RASSF8: variants seen among roughly 807,000 people sequenced by gnomAD.
RASSF8 encodes ras association domain-containing protein 8.
A neutral mutation model predicts 48.5 loss-of-function variants in RASSF8; 22 were observed. The ratio of observed to expected loss-of-function variants is 0.45; its 90% CI spans 0.32 to 0.65. The LOEUF is 0.65. RASSF8 is among the 30% of genes least tolerant of loss of function. The pLI is 0.03. For synonymous variants in RASSF8, 127 were observed against 171.5 expected (o/e 0.74, Z 2.03); for missense variants, 418 against 489.2 (o/e 0.85, Z 1.37).
chr12:26,057,770 C>T (rs182257457), intron 3 of RASSF8, among the ~76,000 whole-genome samples: 6 of 152,326 alleles, frequency 3.9e-5, no homozygotes, highest in African/African-American at 1.4e-4. Flanking sequence ...CCTATTTCTC[C>T]ACGTCCTCTC....
chr12:26,062,455 A>G (rs1226086908), intron 3 of RASSF8, among the ~76,000 whole-genome samples: 1 of 152,212 alleles, frequency 6.6e-6, no homozygotes, highest in African/African-American at 2.4e-5. Flanking sequence ...TATATTTTAC[A>G]TTCTCACTTG....
chr12:25,994,836 A>G (rs936517188), intron 1 of RASSF8, among the ~76,000 whole-genome samples: 2 of 152,188 alleles, frequency 1.3e-5, no homozygotes, highest in South Asian at 2.1e-4. Flanking sequence ...AAACCAAACC[A>G]AACAAACCCA....
chr12:26,005,079 A>G (rs1942355535), intron 2 of RASSF8, among the ~76,000 whole-genome samples: 3 of 152,120 alleles, frequency 2.0e-5, no homozygotes, highest in Admixed American at 6.6e-5. Flanking sequence ...GGTAATCCTC[A>G]TTAGCAGTTT....
Position 26,064,477 on chromosome 12 carries a change from ATTC to A in RASSF8, c.104-18_104-16del, listed in dbSNP as rs1943818614. 1 of 1,506,348 alleles carries A rather than the reference ATTC, an allele frequency of 6.6e-7. No homozygotes were observed. Among genetic ancestry groups the A allele is most frequent in the African/African-American group, 1.4e-5 (1 of 71,678 alleles). 93.3% of individuals were successfully genotyped at this position (1,506,348 alleles called of 1,614,324 possible). On this transcript the variant is annotated intron_variant, in intron 3 of 5. Transcript: ENST00000689635. ...ATTACATATCCCATTTTGACAAGTT[ATTC>A]TTACCTTTTTTACATAGGTCGAACT...
chr12:26,023,364 AAG>A (rs1942831115), intron 2 of RASSF8, among the ~76,000 whole-genome samples: 1 of 152,204 alleles, frequency 6.6e-6, no homozygotes, highest in East Asian at 1.9e-4. Context: ...CTGAAAGATA[AAG>A]AGAAAATCTT....
At chr12:26,000,342 CAT>C (rs1435961434) in intron 2 of RASSF8, among the ~76,000 whole-genome samples, 1 of 151,986 alleles carries the variant, frequency 6.6e-6, no homozygotes, top group Non-Finnish European at 1.5e-5. Flanking sequence ...GCTACTAAAA[CAT>C]AGAAGCAAAT....
chr12:26,036,954 A>G (rs1943166040), intron 2 of RASSF8, among the ~76,000 whole-genome samples: 1 of 151,998 alleles, frequency 6.6e-6, no homozygotes, highest in Admixed American at 6.6e-5. Context: ...TATGTGTATT[A>G]CCCTAGGATA....
At chr12:26,056,922 TA>T (rs1197112895) in intron 3 of RASSF8, among the ~76,000 whole-genome samples, 1 of 152,188 alleles carries the variant, frequency 6.6e-6, no homozygotes, top group Non-Finnish European at 1.5e-5. Flanking sequence ...TGAATTAAAA[TA>T]TACAGCTTTT....
chr12:26,011,273 C>A (rs992308483), intron 2 of RASSF8, among the ~76,000 whole-genome samples: 1 of 133,306 alleles, frequency 7.5e-6, no homozygotes, highest in Non-Finnish European at 1.8e-5. Flanking sequence ...GGAAAGAAAT[C>A]CCCATTGAAA....
rs550368525 is a variant in RASSF8 at position 26,022,284 on chromosome 12, G to A, written c.-109+27154G>A. ...TGTGCATGCCCAGTGCTGACCCTCC[G>A]AGGAGTAGCACCAAAGGCTTCACGC... On this transcript the variant is annotated intron_variant, in intron 2 of 5. Transcript: ENST00000689635. Among the ~76,000 whole-genome samples the A allele has an allele frequency of 1.9e-4, 29 of 152,274 alleles. No homozygotes were observed. In the Middle Eastern group the frequency reaches 0.01, roughly 54 times the overall value.
rs575462824 is a variant in RASSF8 at position 26,010,197 on chromosome 12, G to C, written c.-109+15067G>C. ...CCAACATTTGTTCCTCTTTCATTTA[G>C]GAGAGTTAGTCAGGCACCAGCAAAG... On this transcript the variant is annotated intron_variant, in intron 2 of 5. Transcript: ENST00000689635. Among the ~76,000 whole-genome samples the C allele has an allele frequency of 1.1e-3, 154 of 136,042 alleles. 2 individuals carry two copies. The highest frequency in any genetic ancestry group is 5.5e-3 in the Admixed American group (79 of 14,270). The allele number at this position is 136,042 out of a possible 152,430, so 89.2% of individuals were successfully genotyped here. A position where few individuals can be genotyped will look rare whatever the true frequency, so the allele number is the denominator to read the frequency against.
rs1465767750 is a variant in RASSF8 at position 26,072,730 on chromosome 12, T to C, written c.*3912T>C. 1 of 960,878 alleles carries C rather than the reference T, an allele frequency of 1.0e-6. No homozygotes were observed. The highest frequency in any genetic ancestry group is 1.1e-4 in the East Asian group (1 of 8,728). The allele number at this position is 960,878 out of a possible 1,614,324, so 59.5% of individuals were successfully genotyped here. ...TGCTTTGCTTATGTACAAATAAATC[T>C]GTAATATGTATTATATGTAATTATC... On this transcript the variant is annotated 3_prime_UTR_variant, in exon 6 of 6. Coordinates refer to ENST00000689635, the MANE Select transcript of RASSF8 (RefSeq NM_001394098.1).
chr12:26,065,475 T>C (rs1349637775), intron 4 of RASSF8, 88 bp downstream of exon 4: 2 of 1,459,556 alleles, frequency 1.4e-6, no homozygotes, highest in African/African-American at 2.8e-5. Context: ...AATTTTTCCT[T>C]ATATTCAAAG....
chr12:26,013,312 A>T (rs192305674), intron 2 of RASSF8, among the ~76,000 whole-genome samples: 1 of 152,342 alleles, frequency 6.6e-6, no homozygotes, highest in Admixed American at 6.5e-5. Flanking sequence ...CAGTACTTTA[A>T]AATTCATAAG....
intron 3 of RASSF8, among the ~76,000 whole-genome samples, chr12:26,060,787 C>T (rs956627): frequency 0.11 from 16,083 of 152,108 alleles, 908 homozygotes; most frequent in East Asian, 0.17. Flanking sequence ...AAATTCAGTG[C>T]TGTTGGATAG....
chr12:26,025,385 G>A (rs891481343), intron 2 of RASSF8, among the ~76,000 whole-genome samples: 3 of 151,600 alleles, frequency 2.0e-5, no homozygotes, highest in Non-Finnish European at 2.9e-5. Context: ...GTGAAACCCC[G>A]TCTCTACTAA....
At chr12:26,027,336 A>G (rs750951208) in intron 2 of RASSF8, among the ~76,000 whole-genome samples, 1 of 152,238 alleles carries the variant, frequency 6.6e-6, no homozygotes, top group Non-Finnish European at 1.5e-5. Context: ...ATTGTATGGC[A>G]TGTTAATGAT....
At chr12:26,065,422 A>T in intron 4 of RASSF8, 35 bp downstream of exon 4, 1 of 1,533,206 alleles carries the variant, frequency 6.5e-7, no homozygotes, top group South Asian at 1.3e-5. Flanking sequence ...TGTTTGGCCC[A>T]TGTAAAATAG....
chr12:26,040,466 A>G (rs1943240397), intron 2 of RASSF8, among the ~76,000 whole-genome samples: 1 of 152,182 alleles, frequency 6.6e-6, no homozygotes, highest in Admixed American at 6.5e-5. Flanking sequence ...ATTTTGTTCT[A>G]AAGTTTGGAA....
Sources: allele counts gnomAD v4.1 joint callset (sites outside exome capture counted in the v4.1 genomes callset), GRCh38; gene constraint gnomAD v4.1.1; transcripts MANE v1.5; gene names NCBI Gene and HGNC (gene_info 2026-07-23, HGNC 2026-07-21).